VRK2: variants seen among roughly 807,000 people sequenced by gnomAD.
VRK2 encodes VRK serine/threonine kinase 2.
Under a neutral mutation model 57.6 loss-of-function variants are expected in VRK2, and 60 were observed. The ratio of observed to expected loss-of-function variants is 1.04; its 90% CI spans 0.85 to 1.29. The LOEUF (loss-of-function observed/expected upper bound fraction) is 1.29. Among genes scored for constraint, VRK2 ranks in the 50% most tolerant of loss-of-function variants. The pLI is 0.00. For synonymous variants in VRK2, 231 were observed against 199.2 expected (o/e 1.16, Z -1.35); for missense variants, 705 against 588.1 (o/e 1.20, Z -2.06).
At position 58,137,211 on chromosome 2, in the gene VRK2, GATACAT is replaced by G. The variant is rs1558687170; in HGVS notation, c.856+2016_856+2021del. Reference sequence around the variant, plus strand: ...TATGATACATATATATCTCATATATGATACATATATATCATATGATACATATATATC... The same window carrying G: ...TATGATACATATATATCTCATATATGATATATCATATGATACATATATATC... On this transcript the variant is annotated intron_variant, in intron 10 of 12. Coordinates refer to ENST00000340157, the MANE Select transcript of VRK2 (RefSeq NM_006296.7). Among the ~76,000 whole-genome samples, 4 of 65,158 alleles carry G rather than the reference GATACAT, an allele frequency of 6.1e-5. 1 individual carries two copies. Among genetic ancestry groups the G allele is most frequent in the African/African-American group, 5.3e-4 (4 of 7,554 alleles). The allele number at this position is 65,158 out of a possible 152,430, so 42.7% of individuals were successfully genotyped here.
At chr2:58,103,762 C>T (rs1674354532) in intron 7 of VRK2, among the ~76,000 whole-genome samples, 1 of 151,456 alleles carries the variant, frequency 6.6e-6, no homozygotes, top group African/African-American at 2.4e-5. Flanking sequence ...CCAGTGTGAC[C>T]CTTATACCAA....
In VRK2 at chr2:58,121,574, T is replaced by G. The variant is rs1677513664; in HGVS notation, c.544-1527T>G. ...TTTGTTTTCAGACAGCCTTGCAAGT[T>G]ACTCCAACAAATGAAGAAAACTCTG... On this transcript the variant is annotated intron_variant, in intron 7 of 12. Coordinates refer to ENST00000340157, the MANE Select transcript of VRK2 (RefSeq NM_006296.7). Among the ~76,000 whole-genome samples, 3 of 152,184 alleles carry G rather than the reference T, an allele frequency of 2.0e-5. No homozygotes were observed. In the South Asian group the frequency reaches 6.2e-4, roughly 31 times the overall value.
intron 1 of VRK2, among the ~76,000 whole-genome samples, chr2:57,942,692 T>C (rs998320118): frequency 3.9e-5 from 6 of 152,226 alleles, no homozygotes; most frequent in Admixed American, 1.3e-4. Context: ...TACAAAATAT[T>C]TCCTTTTGGT....
chr2:57,974,011 G>A (rs1162241757), intron 1 of VRK2, among the ~76,000 whole-genome samples: 1 of 151,856 alleles, frequency 6.6e-6, no homozygotes, highest in African/African-American at 2.4e-5. Context: ...GGTGGAAGGT[G>A]AGGAGGTAGA....
chr2:57,922,153 A>G (rs1204683274), intron 1 of VRK2, among the ~76,000 whole-genome samples: 1 of 152,050 alleles, frequency 6.6e-6, no homozygotes, highest in African/African-American at 2.4e-5. Context: ...TTTGGATCCT[A>G]ACAAAGTCCT....
intron 1 of VRK2, among the ~76,000 whole-genome samples, chr2:57,922,854 T>C (rs1670399005): frequency 6.6e-6 from 1 of 151,996 alleles, no homozygotes; most frequent in African/African-American, 2.4e-5. Context: ...TCTATTTTTG[T>C]ACTCACTAAT....
At chr2:57,982,752 C>A (rs747748901) in intron 1 of VRK2, among the ~76,000 whole-genome samples, 9 of 152,188 alleles carry the variant, frequency 5.9e-5, no homozygotes, top group Non-Finnish European at 1.2e-4. Flanking sequence ...CAGCCCTGAA[C>A]TATCCAGGTC....
At chr2:57,976,424 T>C (rs1672254000) in intron 1 of VRK2, among the ~76,000 whole-genome samples, 1 of 152,112 alleles carries the variant, frequency 6.6e-6, no homozygotes, top group Non-Finnish European at 1.5e-5. Flanking sequence ...ATCATCTGAA[T>C]GTCTGTTATT....
intron 1 of VRK2, among the ~76,000 whole-genome samples, chr2:57,950,790 C>T (rs980496369): frequency 1.3e-5 from 2 of 152,132 alleles, no homozygotes; most frequent in African/African-American, 2.4e-5. Flanking sequence ...ATTCTAGACG[C>T]CATTAAGAAC....
intron 1 of VRK2, among the ~76,000 whole-genome samples, chr2:57,944,730 T>A (rs1203352145): frequency 6.7e-6 from 1 of 148,520 alleles, no homozygotes; most frequent in Non-Finnish European, 1.5e-5. Flanking sequence ...AGCGAGACTC[T>A]GTCTCAAAAA....
chr2:58,017,011 C>G (rs751957923), intron 1 of VRK2, among the ~76,000 whole-genome samples: 1 of 151,998 alleles, frequency 6.6e-6, no homozygotes, highest in Non-Finnish European at 1.5e-5. Context: ...TAACTCTTGT[C>G]AAAAGGGGAA....
rs185309647 is a variant in VRK2 at position 58,117,964 on chromosome 2, C to T, written c.544-5137C>T. Among the ~76,000 whole-genome samples the T allele has an allele frequency of 2.0e-5, 3 of 151,454 alleles. No homozygotes were observed. The East Asian group carries it at 5.9e-4, about 30-fold the overall frequency. ...CAGAAAAGCAGAGAAAGGGTTGGGG[C>T]ATGGAAATAAGGAATTGGGGCACAG... On this transcript the variant is annotated intron_variant, in intron 7 of 12. Coordinates refer to ENST00000340157, the MANE Select transcript of VRK2 (RefSeq NM_006296.7).
intron 8 of VRK2, among the ~76,000 whole-genome samples, chr2:58,126,145 CAA>C (rs879395569): frequency 1.5e-5 from 2 of 136,592 alleles, no homozygotes; most frequent in Admixed American, 7.3e-5. Context: ...GTACAAAAAG[CAA>C]AAAAAAAAAA....
chr2:57,925,799 G>A (rs886273231), intron 1 of VRK2, among the ~76,000 whole-genome samples: 1 of 150,914 alleles, frequency 6.6e-6, no homozygotes, highest in Non-Finnish European at 1.5e-5. Context: ...TGATTTTCTA[G>A]TTTTTTAAGA....
intron 7 of VRK2, among the ~76,000 whole-genome samples, chr2:58,114,549 GA>G (rs1676123503): frequency 6.6e-6 from 1 of 152,196 alleles, no homozygotes; most frequent in African/African-American, 2.4e-5. Context: ...GGACAGGCCT[GA>G]ATTCTGAGAA....
At chr2:57,936,734 C>G (rs1001584553) in intron 1 of VRK2, among the ~76,000 whole-genome samples, 2 of 152,024 alleles carry the variant, frequency 1.3e-5, no homozygotes, top group African/African-American at 4.8e-5. Flanking sequence ...CTTATACCTA[C>G]AGAGAAGTCA....
intron 2 of VRK2, among the ~76,000 whole-genome samples, chr2:58,065,878 G>C (rs1668537099): frequency 6.6e-6 from 1 of 151,890 alleles, no homozygotes; most frequent in African/African-American, 2.4e-5. Flanking sequence ...AAATGTTCTT[G>C]GTTTTTAAAT....
chr2:58,007,639 T>TA (rs1314998971), intron 1 of VRK2, among the ~76,000 whole-genome samples: 1 of 152,266 alleles, frequency 6.6e-6, no homozygotes, highest in East Asian at 1.9e-4. Flanking sequence ...ATCAACTGTT[T>TA]ATGTTATTGT....
At chr2:58,073,636 TTATA>T (rs1205697238) in intron 2 of VRK2, among the ~76,000 whole-genome samples, 1 of 116,912 alleles carries the variant, frequency 8.6e-6, no homozygotes, top group African/African-American at 3.4e-5. Flanking sequence ...ACTAATAGGA[TTATA>T]TATATATATA....
Sources: allele counts gnomAD v4.1 joint callset (sites outside exome capture counted in the v4.1 genomes callset), GRCh38; gene constraint gnomAD v4.1.1; transcripts MANE v1.5; gene names NCBI Gene and HGNC (gene_info 2026-07-23, HGNC 2026-07-21).